ASF1B: variants seen among roughly 807,000 people sequenced by gnomAD.
ASF1B encodes the protein histone chaperone ASF1B.
Under a neutral mutation model 16.6 loss-of-function variants are expected in ASF1B, and 10 were observed. The ratio of observed to expected loss-of-function variants is 0.60; its 90% CI spans 0.37 to 1.02. The LOEUF (loss-of-function observed/expected upper bound fraction) is 1.02. Ranked by LOEUF, ASF1B falls within the 50% of genes least tolerant of loss-of-function variation. The probability of loss-of-function intolerance (pLI) is 0.01; values close to 1 mark genes in which losing one functional copy is unlikely to be tolerated. For synonymous variants in ASF1B, 101 were observed against 106.2 expected, an observed-to-expected ratio of 0.95 and a Z score of 0.30; for missense variants, 240 against 266.0, an observed-to-expected ratio of 0.90 and a Z score of 0.68.
intron 2 of ASF1B, among the ~76,000 whole-genome samples, chr19:14,124,228 G>C (rs1967285032): frequency 6.6e-6 from 1 of 152,034 alleles, no homozygotes; most frequent in Non-Finnish European, 1.5e-5. Flanking sequence ...ATCATAGCTC[G>C]CTGTAGCCTC....
intron 1 of ASF1B, among the ~76,000 whole-genome samples, chr19:14,133,121 AAAAT>A (rs150107917): frequency 0.18 from 27,110 of 149,148 alleles, 3,043 homozygotes; most frequent in African/African-American, 0.32. Flanking sequence ...CTCCATCTCA[AAAAT>A]AAATAAATAA....
At chr19:14,133,635 T>C (rs1967440197) in intron 1 of ASF1B, among the ~76,000 whole-genome samples, 1 of 151,376 alleles carries the variant, frequency 6.6e-6, no homozygotes, top group Admixed American at 6.6e-5. Flanking sequence ...GCCATTGCAC[T>C]CCAGCCTGGG....
At chr19:14,126,021 G>C (rs531929361) in intron 2 of ASF1B, 101 bp downstream of exon 2, 1 of 953,396 alleles carries the variant, frequency 1.0e-6, no homozygotes, top group Admixed American at 2.9e-5. Context: ...GTGCCCAGCT[G>C]AACTTGAACT....
chr19:14,132,355 T>G (rs768286750), intron 1 of ASF1B, among the ~76,000 whole-genome samples: 4 of 152,114 alleles, frequency 2.6e-5, no homozygotes, highest in Non-Finnish European at 5.9e-5. Flanking sequence ...AGATTTTCAG[T>G]TGACGCTGCT....
intron 1 of ASF1B, among the ~76,000 whole-genome samples, chr19:14,127,075 C>CT (rs1967329795): frequency 6.6e-6 from 1 of 152,228 alleles, no homozygotes; most frequent in South Asian, 2.1e-4. Flanking sequence ...GTGTGGGCTG[C>CT]TGTGCCCAGC....
At position 14,136,406 on chromosome 19, in the gene ASF1B, A is replaced by C; in HGVS notation, c.51T>G (p.Pro17=). The change falls in exon 1 of 4, where the codon CCT becomes CCG. Residue 17 remains proline (P), a synonymous_variant. Coordinates refer to ENST00000263382, the MANE Select transcript of ASF1B (RefSeq NM_018154.3). Reference sequence around the variant, plus strand: ...TCTCGAACCGGAAGGGGCTGTGGAAAGGGCTCGGGTTCTCCAGGACCGCCA... The same window carrying C: ...TCTCGAACCGGAAGGGGCTGTGGAACGGGCTCGGGTTCTCCAGGACCGCCA... ...LNVAVLENPS[P]FHSPFRFEIS... The C allele has an allele frequency of 6.2e-7, 1 of 1,613,772 alleles. No homozygotes were observed. Among genetic ancestry groups the C allele is most frequent in the Non-Finnish European group, 8.5e-7 (1 of 1,179,772 alleles).
rs139417739 is a variant in ASF1B at position 14,131,969 on chromosome 19, G to A, written c.109+4379C>T. Among the ~76,000 whole-genome samples the A allele has an allele frequency of 3.8e-4, 58 of 151,862 alleles. 1 individual carries two copies. The highest frequency in any genetic ancestry group is 1.4e-3 in the African/African-American group (58 of 41,434). On this transcript the variant is annotated intron_variant, in intron 1 of 3. Coordinates refer to ENST00000263382, the MANE Select transcript of ASF1B (RefSeq NM_018154.3). ...TGTGGAAGATAAAAGTGCAAAGGGG[G>A]CTTGGGGCCCCTGAGAAATAGGGGT...
chr19:14,120,625 C>G lies in ASF1B; in HGVS notation c.443G>C (p.Arg148Pro), dbSNP rs760785660. Residue 148 changes from arginine to proline, a missense_variant, in exon 4 of 4, where the codon CGC becomes CCC. By Grantham distance (103) the Arg-to-Pro change is moderately radical (BLOSUM62 -2). Transcript: ENST00000263382. The stretch of plus-strand genomic sequence containing the variant: ...GTTGTTGTCCCAGTTGATATGGAAG[C>G]GGGTCACCCGGGGGTTCGAGGCCAA... Reference protein sequence around the residue: ...NILASNPRVTRFHINWDNNMD... With the variant: ...NILASNPRVTPFHINWDNNMD... 6.2e-7 allele frequency: 1 copy of G among 1,614,008 alleles called. No individual in the cohort carries two copies. Among genetic ancestry groups the G allele is most frequent in the Non-Finnish European group, 8.5e-7 (1 of 1,180,010 alleles).
chr19:14,120,368 G>T lies in ASF1B; in HGVS notation c.*91C>A. The T allele has an allele frequency of 7.7e-7, 1 of 1,294,240 alleles. No individual in the cohort carries two copies. The highest frequency in any genetic ancestry group is 2.4e-5 in the East Asian group (1 of 41,544). The allele number at this position is 1,294,240 out of a possible 1,614,324, so 80.2% of individuals were successfully genotyped here. A position where few individuals can be genotyped will look rare whatever the true frequency, so the allele number is the denominator to read the frequency against. On this transcript the variant is annotated 3_prime_UTR_variant, in exon 4 of 4. Transcript: ENST00000263382. The stretch of plus-strand genomic sequence containing the variant: ...TGACAGACCTGGATTGCAGCTGATG[G>T]CCCCCAAAGTCCTCTAGATGGGCCC...
chr19:14,122,369 T>C (rs1253440769), intron 2 of ASF1B, among the ~76,000 whole-genome samples: 1 of 150,090 alleles, frequency 6.7e-6, no homozygotes, highest in Non-Finnish European at 1.5e-5. Context: ...GCCTGGACTT[T>C]TTTTTTTTTT....
intron 1 of ASF1B, among the ~76,000 whole-genome samples, chr19:14,133,492 A>AC (rs1331542995): frequency 3.9e-5 from 6 of 151,968 alleles, no homozygotes; most frequent in Non-Finnish European, 8.8e-5. Flanking sequence ...AGATGGTGAA[A>AC]CCCCGTCTCT....
At chr19:14,135,520 T>C (rs1377779040) in intron 1 of ASF1B, among the ~76,000 whole-genome samples, 4 of 152,072 alleles carry the variant, frequency 2.6e-5, no homozygotes, top group African/African-American at 4.8e-5. Flanking sequence ...GGTATGTGCA[T>C]TGGGGCAGAA....
chr19:14,126,856 C>T (rs1315961828), intron 1 of ASF1B, among the ~76,000 whole-genome samples: 2 of 152,216 alleles, frequency 1.3e-5, no homozygotes, highest in Non-Finnish European at 2.9e-5. Context: ...ATCTGCCCGC[C>T]TCAGCCTTCC....
chr19:14,133,438 C>T (rs903302949), intron 1 of ASF1B, among the ~76,000 whole-genome samples: 6 of 152,046 alleles, frequency 3.9e-5, no homozygotes, highest in Non-Finnish European at 5.9e-5. Context: ...GAGGCTGAGG[C>T]GGGCGGATCA....
At chr19:14,129,082 G>A (rs999684682) in intron 1 of ASF1B, among the ~76,000 whole-genome samples, 23 of 151,994 alleles carry the variant, frequency 1.5e-4, no homozygotes, top group African/African-American at 3.1e-4. Context: ...AGGCAGACTC[G>A]ACTCTATTAA....
chr19:14,120,698 G>A (rs766625152), intron 3 of ASF1B, 33 bp from the exon 4 acceptor site: 1 of 1,606,706 alleles, frequency 6.2e-7, no homozygotes, highest in South Asian at 1.1e-5. Context: ...AACCCTTGTA[G>A]GTACGCCCTC....
intron 1 of ASF1B, among the ~76,000 whole-genome samples, chr19:14,127,170 T>C (rs1254634907): frequency 6.6e-6 from 1 of 152,244 alleles, no homozygotes; most frequent in Non-Finnish European, 1.5e-5. Flanking sequence ...CACTGCAGTC[T>C]TGAATGCTGA....
At chr19:14,134,951 C>T (rs895042959) in intron 1 of ASF1B, among the ~76,000 whole-genome samples, 4 of 151,554 alleles carry the variant, frequency 2.6e-5, no homozygotes, top group South Asian at 2.1e-4. Context: ...AGACGGGGCA[C>T]GGTGGCTCAC....
chr19:14,126,614 G>A (rs1477296620), intron 1 of ASF1B, among the ~76,000 whole-genome samples: 1 of 152,184 alleles, frequency 6.6e-6, no homozygotes, highest in Non-Finnish European at 1.5e-5. Flanking sequence ...TGGAATTACA[G>A]GCACCTGCCA....
Sources: allele counts gnomAD v4.1 joint callset (sites outside exome capture counted in the v4.1 genomes callset), GRCh38; gene constraint gnomAD v4.1.1; transcripts MANE v1.5; gene names NCBI Gene and HGNC (gene_info 2026-07-23, HGNC 2026-07-21).